AFF1: variants seen among roughly 807,000 people sequenced by gnomAD.
AFF1 encodes the protein AF4/FMR2 family member 1.
AFF1 carries 48 observed loss-of-function variants against 121.7 expected under a neutral mutation model. The observed-to-expected ratio is 0.39, with a 90% CI of 0.31 to 0.50. The LOEUF is 0.50. AFF1 is among the 20% of genes least tolerant of loss of function. AFF1 has a pLI of 0.76. For synonymous variants in AFF1, 613 were observed against 563.0 expected (o/e 1.09, Z -1.26); for missense variants, 1,523 against 1,511.7 (o/e 1.01, Z -0.12).
chr4:87,128,237 G>T (rs1728484701), intron 16 of AFF1, among the ~76,000 whole-genome samples: 1 of 152,186 alleles, frequency 6.6e-6, no homozygotes, highest in Non-Finnish European at 1.5e-5. Flanking sequence ...TATTAGATGA[G>T]ATTTTAAGAT....
intron 2 of AFF1, among the ~76,000 whole-genome samples, chr4:86,998,391 GT>G (rs1261663877): frequency 1.3e-5 from 2 of 152,162 alleles, no homozygotes; most frequent in Admixed American, 1.3e-4. Context: ...GATTATAGTT[GT>G]TTTGTTTTTA....
intron 2 of AFF1, among the ~76,000 whole-genome samples, chr4:86,949,192 T>G (rs1270583330): frequency 7.5e-6 from 1 of 133,396 alleles, no homozygotes; most frequent in East Asian, 2.3e-4. Context: ...TTTTTTTTTT[T>G]GAGATGGAGT....
intron 2 of AFF1, chr4:86,949,950 G>C: frequency 1.2e-6 from 2 of 1,614,138 alleles, no homozygotes; most frequent in Non-Finnish European, 1.7e-6. Flanking sequence ...AGGTCCCGCA[G>C]GGCCATGTGG....
At chr4:87,131,748 T>C in intron 17 of AFF1, 45 bp from the exon 18 acceptor site, 1 of 1,435,562 alleles carries the variant, frequency 7.0e-7, no homozygotes, top group Non-Finnish European at 9.7e-7. Flanking sequence ...TGTATTTGTG[T>C]CTGCCTTTGT....
At chr4:87,054,056 G>T (rs960983697) in intron 4 of AFF1, among the ~76,000 whole-genome samples, 1 of 152,242 alleles carries the variant, frequency 6.6e-6, no homozygotes, top group African/African-American at 2.4e-5. Flanking sequence ...GACCATTAGA[G>T]AATTCTTCCC....
intron 4 of AFF1, among the ~76,000 whole-genome samples, chr4:87,078,511 T>C (rs569516211): frequency 4.6e-5 from 7 of 152,160 alleles, no homozygotes; most frequent in Non-Finnish European, 1.0e-4. Context: ...TACGGATAGT[T>C]ACGGGAGCAT....
In AFF1 at chr4:87,114,419, T is replaced by G; in HGVS notation, c.1586T>G (p.Val529Gly). 2 of 1,608,450 alleles carry G rather than the reference T, an allele frequency of 1.2e-6. No homozygotes were observed. The highest frequency in any genetic ancestry group is 1.7e-6 in the Non-Finnish European group (2 of 1,178,658). Residue 529 changes from valine (V) to glycine (G), a missense_variant, in exon 12 of 21, where the codon GTC (valine) becomes GGC (glycine). Val to Gly is a moderately radical substitution (Grantham distance 109). Around this residue, in one of 5 missense-constraint regions of AFF1, gnomAD observed 905 missense variants for 842.5 expected, o/e 1.07. Transcript: ENST00000395146. ...CAGCTGGACAACTGGCTGACCAAAG[T>G]CAGCCAGCCAGCTGCGCCACCAGAG... ...KWQLDNWLTKVSQPAAPPEGP... is the reference protein window; with the variant it reads ...KWQLDNWLTKGSQPAAPPEGP...
chr4:87,007,130 C>T, intron 2 of AFF1: 1 of 1,268,472 alleles, frequency 7.9e-7, no homozygotes. Context: ...GCCCCGGATT[C>T]GGACGCGGCG....
At position 87,114,848 on chromosome 4, in the gene AFF1, C is replaced by G. The variant is rs201090605; in HGVS notation, c.2015C>G (p.Pro672Arg). 39 of 1,613,930 alleles carry G rather than the reference C, an allele frequency of 2.4e-5. No homozygotes were observed. Among genetic ancestry groups the G allele is most frequent in the Admixed American group, 6.7e-5 (4 of 59,990 alleles). The change falls in exon 12 of 21, where the codon CCC (proline) becomes CGC (arginine). Residue 672 changes from proline (P) to arginine (R), a missense_variant. This residue lies in a region of AFF1 where 905 missense variants were observed against 842.5 expected (regional missense o/e 1.07). Coordinates refer to ENST00000395146, the MANE Select transcript of AFF1 (RefSeq NM_001166693.3). ...ASNEPKPAVP[P>R]SSEKKKHKSS... ...AACGAACCCAAGCCAGCAGTGCCCC[C>G]CTCCAGTGAGAAGAAGAAGCACAAG...
intron 2 of AFF1, among the ~76,000 whole-genome samples, chr4:87,027,215 A>G (rs567117527): frequency 2.0e-5 from 3 of 152,378 alleles, no homozygotes; most frequent in South Asian, 4.1e-4. Context: ...CTACAAATGT[A>G]TGCATGTGTC....
At chr4:86,967,201 G>A (rs924456158) in intron 2 of AFF1, among the ~76,000 whole-genome samples, 6 of 152,208 alleles carry the variant, frequency 3.9e-5, no homozygotes, top group Non-Finnish European at 5.9e-5. Context: ...TCTTGGAAGA[G>A]GCAGTTAGGC....
At chr4:87,110,999 T>TTTTTTTTTTTTTA in intron 11 of AFF1, among the ~76,000 whole-genome samples, 1 of 81,844 alleles carries the variant, frequency 1.2e-5, no homozygotes, top group Non-Finnish European at 2.4e-5. Flanking sequence ...TTAAACTTTA[T>TTTTTTTTTTTTTA]TTTTTTTTTT....
intron 2 of AFF1, among the ~76,000 whole-genome samples, chr4:87,017,454 C>T (rs966385919): frequency 1.3e-5 from 2 of 151,864 alleles, no homozygotes; most frequent in Non-Finnish European, 1.5e-5. Context: ...AAATTCATAT[C>T]GAGGAATGTT....
intron 2 of AFF1, among the ~76,000 whole-genome samples, chr4:86,984,507 A>G (rs554331163): frequency 2.0e-5 from 3 of 152,108 alleles, no homozygotes; most frequent in East Asian, 3.9e-4. Flanking sequence ...GTGTTTTAGT[A>G]GAGACAGGGT....
Position 87,138,089 on chromosome 4 carries a change from A to G in AFF1, c.*2388A>G, listed in dbSNP as rs1279103554. 1 of 231,648 alleles carries G rather than the reference A, an allele frequency of 4.3e-6. No individual in the cohort carries two copies. Among genetic ancestry groups the G allele is most frequent in the Non-Finnish European group, 8.5e-6 (1 of 117,110 alleles). The allele number at this position is 231,648 out of a possible 1,614,324, so 14.3% of individuals were successfully genotyped here. On this transcript the variant is annotated 3_prime_UTR_variant, in exon 21 of 21. Transcript: ENST00000395146. ...TTATTTGTCCCTTGAAAAAGTAACA[A>G]ATGTGCATAGATCAATTTGTACTAC...
chr4:86,959,876 C>T (rs1256431066), intron 2 of AFF1, among the ~76,000 whole-genome samples: 1 of 152,174 alleles, frequency 6.6e-6, no homozygotes, highest in East Asian at 1.9e-4. Context: ...AGCTTCTCTT[C>T]TCTGTCTCTG....
chr4:87,108,200 C>A lies in AFF1; in HGVS notation c.1418C>A (p.Ser473Tyr), dbSNP rs763733003. Residue 473 changes from serine to tyrosine, a missense_variant, in exon 11 of 21, where the codon TCC becomes TAC. Physicochemically the swap from Ser to Tyr is moderately radical, Grantham distance 144 (BLOSUM62 -2). Transcript: ENST00000395146. ...CCAGAACCAGTGGCATCAGCACATTCCAGCAGTGCAGAGTCAGAAAGCACC... is the reference window on the plus strand; with the variant it reads ...CCAGAACCAGTGGCATCAGCACATTACAGCAGTGCAGAGTCAGAAAGCACC... ...SLPEPVASAH[S>Y]SSAESESTSD... 7 of 1,614,000 alleles carry A rather than the reference C, an allele frequency of 4.3e-6. No individual in the cohort carries two copies. The highest frequency in any genetic ancestry group is 5.9e-6 in the Non-Finnish European group (7 of 1,180,002).
chr4:87,120,481 A>T (rs1307928254), intron 12 of AFF1, among the ~76,000 whole-genome samples: 2 of 152,220 alleles, frequency 1.3e-5, no homozygotes, highest in South Asian at 4.1e-4. Context: ...AGGCACTAAC[A>T]TGGCTTGACT....
intron 3 of AFF1, among the ~76,000 whole-genome samples, 195 bp downstream of exon 3, chr4:87,046,481 G>T (rs1560570729): frequency 6.6e-6 from 1 of 152,190 alleles, no homozygotes; most frequent in African/African-American, 2.4e-5. Context: ...ACCAAAGTTT[G>T]TGGTTTTCTT....
Sources: gnomAD v4.1 joint callset for allele counts (sites outside exome capture counted in the v4.1 genomes callset) on GRCh38, gnomAD v4.1.1 for gene constraint, gnomAD v4.1.1 regional missense constraint, MANE v1.5 for transcripts, NCBI Gene and HGNC (gene_info 2026-07-23, HGNC 2026-07-21) for gene names.